Variants in AGO2 observed in about 807,000 individuals in gnomAD.
AGO2 encodes argonaute RISC catalytic component 2.
Under a neutral mutation model 102.3 loss-of-function variants are expected in AGO2, and 5 were observed. The ratio of observed to expected loss-of-function variants is 0.05; its 90% confidence interval spans 0.03 to 0.10. AGO2 has a LOEUF of 0.10. Ranked by LOEUF, AGO2 falls within the 10% of genes least tolerant of loss-of-function variation. AGO2 has a pLI of 1.00. For missense variants in AGO2, 541 were observed against 1,183.7 expected (o/e 0.46, Z 7.97); for synonymous variants, 449 against 473.1 (o/e 0.95, Z 0.66).
rs562621888 is a variant in AGO2, at chr8:140,549,800, G to A, written c.1404-502C>T. On this transcript the variant is annotated intron_variant, in intron 11 of 18. Coordinates refer to ENST00000220592, the MANE Select transcript of AGO2 (RefSeq NM_012154.5). ...AACTTGGACTGTATGACATCATCAC[G>A]AGAGAAAACAGCAGCCCGCAGCCTG... 4.1e-3 allele frequency among the ~76,000 whole-genome samples: 629 copies of A among 152,344 alleles called. 5 individuals are homozygous for A. Among genetic ancestry groups the A allele is most frequent in the Non-Finnish European group, 3.1e-3 (209 of 68,034 alleles).
intron 1 of AGO2, among the ~76,000 whole-genome samples, chr8:140,632,406 G>C (rs929521510): frequency 5.9e-5 from 9 of 152,256 alleles, no homozygotes; most frequent in African/African-American, 2.2e-4. Context: ...ACTGAGGGAA[G>C]GGGGAGAGGG....
chr8:140,624,854 C>T (rs577263004), intron 1 of AGO2, among the ~76,000 whole-genome samples: 52 of 152,300 alleles, frequency 3.4e-4, no homozygotes, highest in African/African-American at 1.1e-3. Context: ...GGAAACGGGA[C>T]GAGGCTCAAA....
chr8:140,589,565 T>C lies in AGO2; in HGVS notation c.23-4254A>G, dbSNP rs1387127300. Among the ~76,000 whole-genome samples the C allele has an allele frequency of 6.6e-6, 1 of 151,726 alleles. No homozygotes were observed. The highest frequency in any genetic ancestry group is 6.6e-5 in the Admixed American group (1 of 15,246). ...GCTGTTTCCAGAGCTCCAAAGTGAG[T>C]CATTATTCAAAGCCATGCTTCCCGA... On this transcript the variant is annotated intron_variant, in intron 1 of 18. Coordinates refer to ENST00000220592, the MANE Select transcript of AGO2 (RefSeq NM_012154.5). This position sits in a 1 kb window ranked among gnomAD's most constrained non-coding sequence, Gnocchi z 4.2.
At chr8:140,595,963 A>AATATATG (rs71320383) in intron 1 of AGO2, among the ~76,000 whole-genome samples, 1 of 126,416 alleles carries the variant, frequency 7.9e-6, no homozygotes, top group Non-Finnish European at 1.6e-5. Context: ...TATAATATAT[A>AATATATG]TAAATTATAT....
At chr8:140,569,253 A>G (rs1564092419) in intron 3 of AGO2, among the ~76,000 whole-genome samples, 1 of 152,136 alleles carries the variant, frequency 6.6e-6, no homozygotes, top group Non-Finnish European at 1.5e-5. Context: ...CCCAAGGTAC[A>G]CTGCTTCCAG....
rs2072442311 is a variant in AGO2, at chr8:140,522,974, C to A, written c.*9070G>T. ...ACACAGCATGGTATTCAACTAAAGACAATGACATGAAGCCTCAGAATTGTA... is the reference window on the plus strand; with the variant it reads ...ACACAGCATGGTATTCAACTAAAGAAAATGACATGAAGCCTCAGAATTGTA... On this transcript the variant is annotated 3_prime_UTR_variant, in exon 19 of 19. Transcript: ENST00000220592. The A allele has an allele frequency of 6.6e-6, 1 of 152,188 alleles. No homozygotes were observed. Among genetic ancestry groups the A allele is most frequent in the Admixed American group, 6.5e-5 (1 of 15,278 alleles). 9.4% of individuals were successfully genotyped at this position (152,188 alleles called of 1,614,324 possible).
chr8:140,632,739 AT>A (rs1340989677), intron 1 of AGO2, among the ~76,000 whole-genome samples: 2 of 152,246 alleles, frequency 1.3e-5, no homozygotes, highest in African/African-American at 4.8e-5. Context: ...AAACGAAAAA[AT>A]AGTAACATTT....
intron 1 of AGO2, among the ~76,000 whole-genome samples, chr8:140,625,391 C>G (rs1367512932): frequency 6.6e-6 from 1 of 152,148 alleles, no homozygotes; most frequent in Admixed American, 6.5e-5. Context: ...CAGGCGTGAG[C>G]CACTGACCCC....
At chr8:140,618,825 A>G (rs2074177531) in intron 1 of AGO2, among the ~76,000 whole-genome samples, 1 of 151,984 alleles carries the variant, frequency 6.6e-6, no homozygotes, top group Non-Finnish European at 1.5e-5. Context: ...CAAAAAAAAA[A>G]GAAAAGAAAA....
rs754710399 is a variant in AGO2 at position 140,556,213 on chromosome 8, G to A, written c.1100C>T (p.Ala367Val). 6.2e-7 allele frequency: 1 copy of A among 1,614,086 alleles called. No individual in the cohort carries two copies. The highest frequency in any genetic ancestry group is 1.7e-5 in the Admixed American group (1 of 59,996). Residue 367 changes from alanine (A) to valine (V), a missense_variant, in exon 9 of 19, where the codon GCG becomes GTG. Physicochemically the swap from Ala to Val is moderately conservative, Grantham distance 64. This residue lies in a region of AGO2 where 309 missense variants were observed against 735.1 expected (regional missense o/e 0.42). Transcript: ENST00000220592. The part of the protein sequence containing the change: ...TDNQTSTMIR[A>V]TARSAPDRQE... The stretch of plus-strand genomic sequence containing the variant: ...CCGATCGGGCGCCGACCTAGCAGTC[G>A]CTCTGATCATGGTTGAGGTCTGATT...
chr8:140,562,418 A>G (rs1474096565), intron 4 of AGO2, 35 bp downstream of exon 4: 1 of 1,585,042 alleles, frequency 6.3e-7, no homozygotes, highest in South Asian at 1.1e-5. Context: ...GCTGCAGGGG[A>G]GTCCCCCGCC....
chr8:140,633,955 T>G lies in AGO2; in HGVS notation c.22+1530A>C, dbSNP rs908055234. ...CTGGGCCTCCAACTTTTAAAACCGA[T>G]AACCTGAAAAAATGTAGTGCTGTCA... is the stretch of plus-strand genomic sequence containing the variant. On this transcript the variant is annotated intron_variant, in intron 1 of 18. Coordinates refer to ENST00000220592, the MANE Select transcript of AGO2 (RefSeq NM_012154.5). Among the ~76,000 whole-genome samples, 10 of 152,174 alleles carry G rather than the reference T, an allele frequency of 6.6e-5. No homozygotes were observed. The South Asian group carries it at 2.1e-3, about 31-fold the overall frequency.
chr8:140,555,617 AGT>A, intron 10 of AGO2: 1 of 353,268 alleles, frequency 2.8e-6, no homozygotes, highest in Admixed American at 4.6e-5. Flanking sequence ...ACCCTCGGTG[AGT>A]GTCTGTCACA....
chr8:140,535,369 C>T (rs1213570132), intron 17 of AGO2, 99 bp downstream of exon 17: 9 of 1,309,724 alleles, frequency 6.9e-6, no homozygotes, highest in African/African-American at 5.8e-5. Flanking sequence ...GCCCCTCACA[C>T]CACATCCCAC....
At chr8:140,547,717 C>T in intron 12 of AGO2, 90 bp from the exon 13 acceptor site, 2 of 1,509,236 alleles carry the variant, frequency 1.3e-6, no homozygotes, top group Non-Finnish European at 8.9e-7. Context: ...CCTCTTGCCC[C>T]CATCTGGCAA....
chr8:140,537,964 G>C (rs576952477), intron 16 of AGO2, among the ~76,000 whole-genome samples: 6 of 152,014 alleles, frequency 3.9e-5, no homozygotes, highest in Non-Finnish European at 5.9e-5. Flanking sequence ...GACTACAGGC[G>C]CCCGCCACCA....
intron 17 of AGO2, 54 bp downstream of exon 17, chr8:140,535,414 G>T: frequency 6.4e-7 from 1 of 1,568,526 alleles, no homozygotes; most frequent in African/African-American, 1.3e-5. Context: ...GCTGAATGTG[G>T]GGATGACACG....
rs903774662 is a variant in AGO2, at chr8:140,527,120, A to C, written c.*4924T>G. 1 of 152,228 alleles carries C rather than the reference A, an allele frequency of 6.6e-6. No homozygotes were observed. The highest frequency in any genetic ancestry group is 2.4e-5 in the African/African-American group (1 of 41,440). The allele number at this position is 152,228 out of a possible 1,614,324, so 9.4% of individuals were successfully genotyped here. On this transcript the variant is annotated 3_prime_UTR_variant, in exon 19 of 19. Coordinates refer to ENST00000220592, the MANE Select transcript of AGO2 (RefSeq NM_012154.5). The surrounding 1 kb of genome is among the most constrained non-coding windows in gnomAD (Gnocchi z 6.0). Reference sequence around the variant, plus strand: ...GCGACGAGGAATCAAACAGACCACAACAGTGTTCACAAGACTGCAACGAGT... The same window carrying C: ...GCGACGAGGAATCAAACAGACCACACCAGTGTTCACAAGACTGCAACGAGT...
chr8:140,582,890 A>G (rs1227399197), intron 2 of AGO2, among the ~76,000 whole-genome samples: 3 of 152,358 alleles, frequency 2.0e-5, no homozygotes, highest in Admixed American at 6.5e-5. Flanking sequence ...ATAGACTTGT[A>G]TGATGCTGAT....
Sources: gnomAD v4.1 joint callset for allele counts (sites outside exome capture counted in the v4.1 genomes callset) on GRCh38, gnomAD v4.1.1 for gene constraint, gnomAD v4.1.1 regional missense constraint, Gnocchi (gnomAD v3.1) non-coding constraint, MANE v1.5 for transcripts, NCBI Gene and HGNC (gene_info 2026-07-23, HGNC 2026-07-21) for gene names.